RAPGEF4: variants seen among roughly 807,000 people sequenced by gnomAD.
RAPGEF4 encodes Rap guanine nucleotide exchange factor 4.
Under a neutral mutation model 147.9 loss-of-function variants are expected in RAPGEF4, and 66 were observed. The ratio of observed to expected loss-of-function variants is 0.45; its 90% CI spans 0.37 to 0.55. The LOEUF is 0.55. Ranked by LOEUF, RAPGEF4 falls within the 20% of genes least tolerant of loss-of-function variation. RAPGEF4 has a pLI of 0.00. For missense variants in RAPGEF4, 1,071 were observed against 1,257.3 expected, an observed-to-expected ratio of 0.85 and a Z score of 2.24; for synonymous variants, 419 against 442.7, an observed-to-expected ratio of 0.95 and a Z score of 0.67.
intron 23 of RAPGEF4, among the ~76,000 whole-genome samples, chr2:173,025,802 G>T (rs1366746583): frequency 6.6e-6 from 1 of 152,118 alleles, no homozygotes; most frequent in African/African-American, 2.4e-5. Context: ...TAAATCTATT[G>T]CATTATACGT....
At chr2:172,965,840 A>G (rs1559149888) in intron 9 of RAPGEF4, among the ~76,000 whole-genome samples, 157 bp downstream of exon 9, 6 of 152,246 alleles carry the variant, frequency 3.9e-5, no homozygotes, top group African/African-American at 1.2e-4. Flanking sequence ...AAATGCAGCA[A>G]GTAGATGCTA....
At chr2:172,842,319 C>T (rs756804095) in intron 4 of RAPGEF4, among the ~76,000 whole-genome samples, 1 of 152,154 alleles carries the variant, frequency 6.6e-6, no homozygotes, top group Non-Finnish European at 1.5e-5. Context: ...TGGGCTTTGA[C>T]AGGTGGATTG....
At chr2:172,862,583 C>T (rs1392129970) in intron 4 of RAPGEF4, among the ~76,000 whole-genome samples, 2 of 152,110 alleles carry the variant, frequency 1.3e-5, no homozygotes, top group Non-Finnish European at 2.9e-5. Flanking sequence ...AAAACTATTG[C>T]CCTTGATATG....
chr2:172,792,569 C>A (rs1685932539), intron 1 of RAPGEF4, among the ~76,000 whole-genome samples: 1 of 152,220 alleles, frequency 6.6e-6, no homozygotes, highest in East Asian at 1.9e-4. Flanking sequence ...AGGTTGTGGG[C>A]ATATTCTTTG....
intron 10 of RAPGEF4, among the ~76,000 whole-genome samples, chr2:172,974,504 C>T (rs930509338): frequency 1.3e-4 from 19 of 151,896 alleles, no homozygotes; most frequent in East Asian, 3.9e-4. Context: ...GGCAACATGG[C>T]GAAAACCCAT....
chr2:172,753,805 C>T (rs1244652943), intron 1 of RAPGEF4, among the ~76,000 whole-genome samples: 2 of 151,666 alleles, frequency 1.3e-5, no homozygotes, highest in South Asian at 2.1e-4. Context: ...TAATTGCTAC[C>T]AACACATCCC....
chr2:172,972,336 G>A (rs887262667), intron 10 of RAPGEF4, among the ~76,000 whole-genome samples: 11 of 152,154 alleles, frequency 7.2e-5, no homozygotes, highest in African/African-American at 1.9e-4. Flanking sequence ...TTGTTTCTTC[G>A]GGGGATTCCA....
chr2:172,738,940 G>C (rs994666649), intron 1 of RAPGEF4, among the ~76,000 whole-genome samples: 3 of 152,224 alleles, frequency 2.0e-5, no homozygotes, highest in African/African-American at 7.2e-5. Context: ...GAGCCTTAAA[G>C]TGTTTGTTAG....
chr2:172,746,771 C>G (rs913842787), intron 1 of RAPGEF4, among the ~76,000 whole-genome samples: 1 of 152,036 alleles, frequency 6.6e-6, no homozygotes, highest in Non-Finnish European at 1.5e-5. Context: ...TGCCACCATG[C>G]CTGGCTAATT....
At chr2:172,948,974 TTAATA>T (rs1687953940) in intron 6 of RAPGEF4, among the ~76,000 whole-genome samples, 1 of 152,142 alleles carries the variant, frequency 6.6e-6, no homozygotes. Flanking sequence ...AAGAAAGAAA[TTAATA>T]TATCTTCTGT....
intron 25 of RAPGEF4, among the ~76,000 whole-genome samples, chr2:173,027,821 G>T (rs1190911404): frequency 6.6e-6 from 1 of 152,038 alleles, no homozygotes; most frequent in Non-Finnish European, 1.5e-5. Context: ...TTTACTACAG[G>T]GGCCAGTTAG....
intron 4 of RAPGEF4, among the ~76,000 whole-genome samples, chr2:172,867,406 A>T (rs1447281846): frequency 1.3e-5 from 2 of 152,146 alleles, no homozygotes; most frequent in Non-Finnish European, 2.9e-5. Context: ...GAATGATCTC[A>T]TAGGGTCAAT....
chr2:173,050,619 T>C (rs1210186896), intron 30 of RAPGEF4, among the ~76,000 whole-genome samples: 1 of 152,174 alleles, frequency 6.6e-6, no homozygotes, highest in Admixed American at 6.5e-5. Context: ...CCCTACCCAG[T>C]GATGCTTGAA....
chr2:173,000,240 T>C (rs944021587), intron 16 of RAPGEF4, among the ~76,000 whole-genome samples: 1 of 152,254 alleles, frequency 6.6e-6, no homozygotes, highest in African/African-American at 2.4e-5. Flanking sequence ...TATATTTAAA[T>C]GACTATGTAT....
rs141578888 is a variant in RAPGEF4 at position 172,802,403 on chromosome 2, G to C, written c.297+4790G>C. Among the ~76,000 whole-genome samples the C allele has an allele frequency of 2.1e-3, 325 of 152,292 alleles. 3 individuals carry two copies. Among genetic ancestry groups the C allele is most frequent in the African/African-American group, 7.4e-3 (307 of 41,572 alleles). ...TCTTACATGGATGGCAGCAGGCAAAGAGAGCTTGTGCAGGGAAAATCCCAT... is the reference window on the plus strand; with the variant it reads ...TCTTACATGGATGGCAGCAGGCAAACAGAGCTTGTGCAGGGAAAATCCCAT... On this transcript the variant is annotated intron_variant, in intron 3 of 30. Transcript: ENST00000397081.
intron 10 of RAPGEF4, among the ~76,000 whole-genome samples, chr2:172,977,857 C>T (rs2105608783): frequency 6.6e-6 from 1 of 152,304 alleles, no homozygotes; most frequent in South Asian, 2.1e-4. Flanking sequence ...AAAACATTGG[C>T]TGTAAACAGG....
intron 6 of RAPGEF4, among the ~76,000 whole-genome samples, chr2:172,943,399 G>A (rs1687366520): frequency 6.6e-6 from 1 of 152,174 alleles, no homozygotes; most frequent in South Asian, 2.1e-4. Context: ...TAACCAGAGA[G>A]TTCCTATCCC....
At chr2:173,032,971 A>G (rs985779469) in intron 26 of RAPGEF4, among the ~76,000 whole-genome samples, 1 of 152,150 alleles carries the variant, frequency 6.6e-6, no homozygotes, top group Non-Finnish European at 1.5e-5. Context: ...ACACAGCTCT[A>G]TCTTGGCTTA....
At chr2:173,020,815 G>C (rs1696017711) in intron 23 of RAPGEF4, 100 bp downstream of exon 23, 1 of 857,142 alleles carries the variant, frequency 1.2e-6, no homozygotes. Flanking sequence ...AAAAAATCTT[G>C]AATGGTACTT....
Sources: allele counts gnomAD v4.1 joint callset (sites outside exome capture counted in the v4.1 genomes callset), GRCh38; gene constraint gnomAD v4.1.1; transcripts MANE v1.5; gene names NCBI Gene and HGNC (gene_info 2026-07-23, HGNC 2026-07-21).